Variants in PTPRN2 observed in about 807,000 individuals in gnomAD.
The protein encoded by PTPRN2 is protein tyrosine phosphatase receptor type N2, also known as receptor-type tyrosine-protein phosphatase N2.
Under a neutral mutation model 118.8 loss-of-function variants are expected in PTPRN2, and 74 were observed. That is an observed-to-expected ratio of 0.62 (90% CI 0.52 to 0.76). The LOEUF (loss-of-function observed/expected upper bound fraction) is 0.76, where lower values mean the gene tolerates loss of function less well. Ranked by LOEUF, PTPRN2 falls within the 30% of genes least tolerant of loss-of-function variation. PTPRN2 has a pLI of 0.00. For synonymous variants in PTPRN2, 641 were observed against 608.0 expected (o/e 1.05, Z -0.80); for missense variants, 1,481 against 1,394.4 (o/e 1.06, Z -0.99).
At chr7:157,824,753 A>ACCCCCAACTAGTGCTGTGC (rs1242782946) in intron 12 of PTPRN2, among the ~76,000 whole-genome samples, 1 of 151,956 alleles carries the variant, frequency 6.6e-6, no homozygotes, top group African/African-American at 2.4e-5. Flanking sequence ...CACTGCAGTG[A>ACCCCCAACTAGTGCTGTGC]CCCCCAACTA....
chr7:158,276,295 C>A (rs1412004178), intron 3 of PTPRN2, among the ~76,000 whole-genome samples: 1 of 70,740 alleles, frequency 1.4e-5, no homozygotes, highest in Non-Finnish European at 3.5e-5. Flanking sequence ...GGCAGCACCC[C>A]CACACCCCGG....
At chr7:157,902,255 CAG>C (rs1190559626) in intron 11 of PTPRN2, among the ~76,000 whole-genome samples, 1 of 152,272 alleles carries the variant, frequency 6.6e-6, no homozygotes, top group East Asian at 1.9e-4. Flanking sequence ...AATAGTGACT[CAG>C]AGGATGATCT....
At chr7:157,748,519 C>A (rs1425699353) in intron 12 of PTPRN2, among the ~76,000 whole-genome samples, 1 of 137,626 alleles carries the variant, frequency 7.3e-6, no homozygotes, top group African/African-American at 2.7e-5. Context: ...CTTAGGTCTG[C>A]GTCTCTGAGC....
chr7:158,328,720 G>A (rs900039651), intron 2 of PTPRN2, among the ~76,000 whole-genome samples: 4 of 151,532 alleles, frequency 2.6e-5, no homozygotes, highest in African/African-American at 9.7e-5. Flanking sequence ...AGTGACGTCT[G>A]CAGGTGTCAG....
chr7:157,922,752 C>T (rs375440735), intron 11 of PTPRN2, among the ~76,000 whole-genome samples: 8 of 152,188 alleles, frequency 5.3e-5, no homozygotes, highest in Non-Finnish European at 8.8e-5. Flanking sequence ...CGGCACGCTG[C>T]GGCACCGCTG....
chr7:157,666,189 G>A (rs1396792493), intron 13 of PTPRN2, among the ~76,000 whole-genome samples: 1 of 151,450 alleles, frequency 6.6e-6, no homozygotes, highest in East Asian at 1.9e-4. Context: ...ATTTATTTTT[G>A]TGCCATGCTG....
intron 4 of PTPRN2, among the ~76,000 whole-genome samples, chr7:158,198,560 A>G (rs1466317658): frequency 6.6e-6 from 1 of 152,210 alleles, no homozygotes; most frequent in Non-Finnish European, 1.5e-5. Flanking sequence ...CTGTGAAGTC[A>G]TCGGTGCTCA....
chr7:158,293,024 C>T (rs527886436), intron 3 of PTPRN2, among the ~76,000 whole-genome samples: 1 of 151,990 alleles, frequency 6.6e-6, no homozygotes, highest in Non-Finnish European at 1.5e-5. Flanking sequence ...GTCAAGATCA[C>T]GTCACTGCAC....
chr7:158,160,869 T>C (rs1822297076), intron 6 of PTPRN2, among the ~76,000 whole-genome samples: 2 of 152,258 alleles, frequency 1.3e-5, no homozygotes, highest in Admixed American at 1.3e-4. Context: ...GCTTATTTTA[T>C]TGTGTAAAAT....
intron 13 of PTPRN2, among the ~76,000 whole-genome samples, chr7:157,661,436 G>A (rs1315459740): frequency 6.6e-6 from 1 of 152,254 alleles, no homozygotes. Context: ...GCTCTTGCCC[G>A]AAGGCGCTCT....
chr7:158,410,713 T>C (rs1813982506), intron 2 of PTPRN2, among the ~76,000 whole-genome samples: 1 of 152,246 alleles, frequency 6.6e-6, no homozygotes, highest in South Asian at 2.1e-4. Context: ...GACCTCATTA[T>C]TGAAGGACCT....
chr7:157,892,814 G>A (rs1246118550), intron 12 of PTPRN2, among the ~76,000 whole-genome samples: 2 of 152,234 alleles, frequency 1.3e-5, no homozygotes, highest in East Asian at 3.8e-4. Flanking sequence ...AACTACAGCA[G>A]TGAATAAAAC....
chr7:157,608,550 T>A (rs954544852), intron 15 of PTPRN2, among the ~76,000 whole-genome samples: 4 of 152,204 alleles, frequency 2.6e-5, no homozygotes, highest in African/African-American at 9.7e-5. Context: ...TATTTTGTGA[T>A]TCTCTTACTT....
At chr7:157,888,486 G>C (rs1286605800) in intron 12 of PTPRN2, among the ~76,000 whole-genome samples, 1 of 152,102 alleles carries the variant, frequency 6.6e-6, no homozygotes, top group African/African-American at 2.4e-5. Context: ...CCAAGCTCCT[G>C]CTCCAGGGGC....
At chr7:158,243,982 C>T (rs927514019) in intron 3 of PTPRN2, among the ~76,000 whole-genome samples, 8 of 152,168 alleles carry the variant, frequency 5.3e-5, no homozygotes, top group African/African-American at 1.9e-4. Context: ...GTCCCTACTT[C>T]GTATCTAATA....
chr7:158,182,383 C>G (rs1036340796), intron 5 of PTPRN2, among the ~76,000 whole-genome samples: 2 of 152,144 alleles, frequency 1.3e-5, no homozygotes, highest in African/African-American at 4.8e-5. Flanking sequence ...ACGGGATACA[C>G]GTGCAGAACA....
At chr7:157,579,577 G>C (rs1184693900) in intron 17 of PTPRN2, among the ~76,000 whole-genome samples, 1 of 152,178 alleles carries the variant, frequency 6.6e-6, no homozygotes, top group Non-Finnish European at 1.5e-5. Flanking sequence ...ACTCGGCTCC[G>C]TGCCACCCAA....
intron 3 of PTPRN2, among the ~76,000 whole-genome samples, chr7:158,311,453 G>A (rs1801723543): frequency 6.6e-6 from 1 of 152,088 alleles, no homozygotes; most frequent in African/African-American, 2.4e-5. Context: ...CAGAAAAAGT[G>A]AAATGTATTT....
At chr7:158,151,516 A>ACCCGCCTTTCTATTCCTGC (rs1563522303) in intron 6 of PTPRN2, among the ~76,000 whole-genome samples, 3 of 10,446 alleles carry the variant, frequency 2.9e-4, no homozygotes, top group East Asian at 3.7e-3. Context: ...TCTGCTCCTC[A>ACCCGCCTTTCTATTCCTGC]CCGCACGTCC....
Sources: allele counts gnomAD v4.1 joint callset (sites outside exome capture counted in the v4.1 genomes callset), GRCh38; gene constraint gnomAD v4.1.1; transcripts MANE v1.5; gene names NCBI Gene and HGNC (gene_info 2026-07-23, HGNC 2026-07-21).